Variants in CLMN observed in about 807,000 individuals in gnomAD.
CLMN encodes the protein calmin, also known as calmin (calponin-like, transmembrane).
In CLMN, 57 loss-of-function variants were observed where a neutral mutation model predicts 92.7. That is an observed-to-expected ratio of 0.61 (90% confidence interval 0.50 to 0.77). The LOEUF (loss-of-function observed/expected upper bound fraction) is 0.77, where lower values mean the gene tolerates loss of function less well. CLMN is among the 30% of genes least tolerant of loss of function. The probability of loss-of-function intolerance (pLI) is 0.00; values close to 1 mark genes in which losing one functional copy is unlikely to be tolerated. For missense variants in CLMN, 1,158 were observed against 1,237.5 expected (o/e 0.94, Z 0.96); for synonymous variants, 466 against 470.6 (o/e 0.99, Z 0.13).
Position 95,316,780 on chromosome 14 carries a change from C to T in CLMN, c.82+2931G>A, listed in dbSNP as rs142166148. Among the ~76,000 whole-genome samples, 1,210 of 152,234 alleles carry T rather than the reference C, an allele frequency of 7.9e-3. 9 individuals carry two copies. Among genetic ancestry groups the T allele is most frequent in the Non-Finnish European group, 0.013 (917 of 68,008 alleles). ...CCCAGAGGTTGTAAGCTCAGGGCTA[C>T]CCCTCATTAATGACCCCAGGATCAC... On this transcript the variant is annotated intron_variant, in intron 1 of 12. Coordinates refer to ENST00000298912, the MANE Select transcript of CLMN (RefSeq NM_024734.4).
At chr14:95,227,709 G>T (rs928267819) in intron 2 of CLMN, among the ~76,000 whole-genome samples, 1 of 152,192 alleles carries the variant, frequency 6.6e-6, no homozygotes, top group Non-Finnish European at 1.5e-5. Flanking sequence ...CACTCCTTGG[G>T]CCCCAAACGC....
chr14:95,280,689 T>A (rs1595090818), intron 1 of CLMN, among the ~76,000 whole-genome samples: 1 of 152,358 alleles, frequency 6.6e-6, no homozygotes, highest in East Asian at 1.9e-4. Context: ...GCTTATTTGG[T>A]ATATTAAAAT....
At chr14:95,310,267 T>A (rs529448620) in intron 1 of CLMN, among the ~76,000 whole-genome samples, 1 of 152,332 alleles carries the variant, frequency 6.6e-6, no homozygotes, top group South Asian at 2.1e-4. Context: ...TTTAGAGCAA[T>A]GCAAAAACGA....
chr14:95,239,797 A>G (rs947127625), intron 1 of CLMN, among the ~76,000 whole-genome samples: 3 of 152,262 alleles, frequency 2.0e-5, no homozygotes, highest in Admixed American at 6.5e-5. Context: ...TGTAAAATGA[A>G]TCGCAACGTT....
chr14:95,244,089 T>C (rs371202330), intron 1 of CLMN, among the ~76,000 whole-genome samples: 1 of 152,196 alleles, frequency 6.6e-6, no homozygotes, highest in Admixed American at 6.5e-5. Context: ...CCTTCTACCA[T>C]GATTGTAAGA....
chr14:95,309,477 C>T (rs1319004532), intron 1 of CLMN, among the ~76,000 whole-genome samples: 3 of 152,228 alleles, frequency 2.0e-5, no homozygotes, highest in African/African-American at 7.2e-5. Flanking sequence ...CTAGAGGACA[C>T]GACGATGCCA....
At chr14:95,309,743 A>T (rs1433297438) in intron 1 of CLMN, among the ~76,000 whole-genome samples, 4 of 151,978 alleles carry the variant, frequency 2.6e-5, no homozygotes, top group African/African-American at 9.7e-5. Flanking sequence ...CCAAACTCAC[A>T]GAGAAACCTA....
At chr14:95,220,836 T>C (rs936306078) in intron 4 of CLMN, among the ~76,000 whole-genome samples, 2 of 152,220 alleles carry the variant, frequency 1.3e-5, no homozygotes, top group Non-Finnish European at 2.9e-5. Context: ...GTGGTGGGGC[T>C]GCCCAGAGGT....
chr14:95,278,658 A>G (rs1244523390), intron 1 of CLMN, among the ~76,000 whole-genome samples: 2 of 152,192 alleles, frequency 1.3e-5, no homozygotes, highest in Non-Finnish European at 2.9e-5. Context: ...ATTAGTATGC[A>G]TTATGAGAGA....
At chr14:95,223,972 A>G in intron 2 of CLMN, 117 bp from the exon 3 acceptor site, 2 of 714,846 alleles carry the variant, frequency 2.8e-6, no homozygotes, top group South Asian at 1.9e-5. Flanking sequence ...CTCTGTTTAC[A>G]GGTAGAAAAG....
At chr14:95,260,005 T>C (rs1247757458) in intron 1 of CLMN, among the ~76,000 whole-genome samples, 2 of 152,212 alleles carry the variant, frequency 1.3e-5, no homozygotes, top group South Asian at 2.1e-4. Flanking sequence ...CTCCCTAAGA[T>C]AGGGGTGGCA....
chr14:95,283,545 TAG>T (rs1346878413), intron 1 of CLMN, among the ~76,000 whole-genome samples: 1 of 152,220 alleles, frequency 6.6e-6, no homozygotes, highest in Non-Finnish European at 1.5e-5. Flanking sequence ...TGGAACTTCC[TAG>T]AGACTTGTTG....
intron 1 of CLMN, among the ~76,000 whole-genome samples, chr14:95,264,091 G>T (rs1899372479): frequency 1.3e-5 from 2 of 151,932 alleles, no homozygotes; most frequent in African/African-American, 4.8e-5. Flanking sequence ...AGGCTGGACT[G>T]CAGTGGCACC....
rs1255788584 is a variant in CLMN at position 95,228,474 on chromosome 14, G to C, written c.144+1598C>G. 5.9e-5 allele frequency among the ~76,000 whole-genome samples: 9 copies of C among 152,320 alleles called. No homozygotes were observed. In the East Asian group the frequency reaches 1.7e-3, roughly 29 times the overall value. On this transcript the variant is annotated intron_variant, in intron 2 of 12. Coordinates refer to ENST00000298912, the MANE Select transcript of CLMN (RefSeq NM_024734.4). ...CTGCGTCACATGTTCTACACGTCAG[G>C]AGTGGAGGTGTGGGTGGCCGAATGC...
intron 2 of CLMN, among the ~76,000 whole-genome samples, 179 bp from the exon 3 acceptor site, chr14:95,224,034 C>T (rs1483501445): frequency 6.6e-6 from 1 of 152,192 alleles, no homozygotes. Context: ...ACCCAGGCAG[C>T]GGTGCACAGC....
intron 1 of CLMN, among the ~76,000 whole-genome samples, chr14:95,273,579 T>C (rs1440632454): frequency 6.6e-6 from 1 of 152,170 alleles, no homozygotes; most frequent in Non-Finnish European, 1.5e-5. Context: ...GAAAGGCTCA[T>C]CAGTGCTTGT....
Position 95,223,742 on chromosome 14 carries a change from C to T in CLMN, c.240+18G>A. The T allele has an allele frequency of 6.3e-7, 1 of 1,587,008 alleles. No homozygotes were observed. Among genetic ancestry groups the T allele is most frequent in the Non-Finnish European group, 8.6e-7 (1 of 1,160,994 alleles). ...CTTTGCATTTTCTTTCTTTCTGACC[C>T]TTCTGTAACATACGTACCAGATTCC... is the stretch of plus-strand genomic sequence containing the variant. On this transcript the variant is annotated intron_variant, in intron 3 of 12. Coordinates refer to ENST00000298912, the MANE Select transcript of CLMN (RefSeq NM_024734.4).
intron 1 of CLMN, among the ~76,000 whole-genome samples, chr14:95,304,432 G>C (rs746776236): frequency 6.6e-6 from 1 of 152,096 alleles, no homozygotes; most frequent in Admixed American, 6.5e-5. Flanking sequence ...GTCCCAAAGG[G>C]TCGGGAATTA....
At position 95,191,420 on chromosome 14, in the gene CLMN, A is replaced by C. The variant is rs929965414; in HGVS notation, c.*144T>G. ...AAAGGAAACCTGAAAAAAAAAAAAA[A>C]ACCACAATAGCGAGAAAGGGGGTCT... On this transcript the variant is annotated 3_prime_UTR_variant, in exon 13 of 13. Coordinates refer to ENST00000298912, the MANE Select transcript of CLMN (RefSeq NM_024734.4). This position sits in a 1 kb window ranked among gnomAD's most constrained non-coding sequence, Gnocchi z 5.3. 3 of 513,236 alleles carry C rather than the reference A, an allele frequency of 5.8e-6. No homozygotes were observed. Among genetic ancestry groups the C allele is most frequent in the East Asian group, 3.4e-5 (1 of 29,260 alleles). The allele number at this position is 513,236 out of a possible 1,614,324, so 31.8% of individuals were successfully genotyped here. A position where few individuals can be genotyped will look rare whatever the true frequency, so the allele number is the denominator to read the frequency against.
Sources: allele counts gnomAD v4.1 joint callset (sites outside exome capture counted in the v4.1 genomes callset), GRCh38; gene constraint gnomAD v4.1.1; non-coding constraint Gnocchi (gnomAD v3.1); transcripts MANE v1.5; gene names NCBI Gene and HGNC (gene_info 2026-07-23, HGNC 2026-07-21).